The following PPARGC1A variants were observed in gnomAD, a reference collection of about 807,000 sequenced individuals.
PPARGC1A encodes peroxisome proliferator-activated receptor gamma coactivator 1-alpha.
In PPARGC1A, 25 loss-of-function variants were observed where a neutral mutation model predicts 88.7. The ratio of observed to expected loss-of-function variants is 0.28; its 90% CI spans 0.21 to 0.39. The LOEUF is 0.39. PPARGC1A is among the 10% of genes least tolerant of loss of function. The pLI is 1.00. For missense variants in PPARGC1A, 880 were observed against 968.7 expected, an observed-to-expected ratio of 0.91 and a Z score of 1.22; for synonymous variants, 363 against 355.6, an observed-to-expected ratio of 1.02 and a Z score of -0.24.
At chr4:24,027,562 G>A in the PPARGC1A span, among the ~76,000 whole-genome samples, 1 of 152,066 alleles carries the variant, frequency 6.6e-6, no homozygotes, top group Non-Finnish European at 1.5e-5. Context: ...AGTGTGGGAT[G>A]CAACCAGGTT....
chr4:24,325,050 G>A, the PPARGC1A span, among the ~76,000 whole-genome samples: 5 of 152,060 alleles, frequency 3.3e-5, no homozygotes, highest in Non-Finnish European at 5.9e-5. Flanking sequence ...TCTTAAAAAG[G>A]TGGCTGGAGC....
chr4:24,128,023 A>T, the PPARGC1A span, among the ~76,000 whole-genome samples: 1 of 152,150 alleles, frequency 6.6e-6, no homozygotes, highest in African/African-American at 2.4e-5. Context: ...CTCTCACCCA[A>T]GTCAATGCAT....
In PPARGC1A at chr4:23,884,811, T is replaced by C. The variant is rs750797347; in HGVS notation, c.175A>G (p.Ser59Gly). 1 of 1,613,998 alleles carries C rather than the reference T, an allele frequency of 6.2e-7. No individual in the cohort carries two copies. The highest frequency in any genetic ancestry group is 8.5e-7 in the Non-Finnish European group (1 of 1,179,912). The change falls in exon 2 of 13, where the codon AGT (serine) becomes GGT (glycine). Residue 59 changes from serine (S) to glycine (G), a missense_variant. Ser to Gly is a moderately conservative substitution (Grantham distance 56, BLOSUM62 0). Transcript: ENST00000264867. ...DSFLGGLKWCSDQSEIISNQY... is the reference protein window; with the variant it reads ...DSFLGGLKWCGDQSEIISNQY... The stretch of plus-strand genomic sequence containing the variant: ...TTGGATATTATTTCTGATTGGTCAC[T>C]GCACCACTTGAGTCCACCCAGAAAG...
In PPARGC1A at chr4:23,795,100, A is replaced by G. The variant is rs1438937084; in HGVS notation, c.*722T>C. The G allele has an allele frequency of 6.6e-6, 1 of 151,308 alleles. No individual in the cohort carries two copies. Among genetic ancestry groups the G allele is most frequent in the Non-Finnish European group, 1.5e-5 (1 of 67,816 alleles). 9.4% of individuals were successfully genotyped at this position (151,308 alleles called of 1,614,324 possible). On this transcript the variant is annotated 3_prime_UTR_variant, in exon 13 of 13. Coordinates refer to ENST00000264867, the MANE Select transcript of PPARGC1A (RefSeq NM_013261.5). ...GAGAGACAGGATATTAGTTCTATGG[A>G]ACCTGTGGTTTCTTCAGGATTGTCA...
the PPARGC1A span, among the ~76,000 whole-genome samples, chr4:24,291,205 G>C: frequency 6.6e-6 from 1 of 152,006 alleles, no homozygotes; most frequent in Non-Finnish European, 1.5e-5. Flanking sequence ...AGTCTCCTTT[G>C]CCTTTTAAAA....
chr4:24,424,425 G>A, the PPARGC1A span, among the ~76,000 whole-genome samples: 2 of 151,692 alleles, frequency 1.3e-5, no homozygotes, highest in Non-Finnish European at 1.5e-5. Flanking sequence ...ACAGGCGCCC[G>A]CCACCATGCC....
At chr4:24,093,618 G>C in the PPARGC1A span, among the ~76,000 whole-genome samples, 3 of 152,162 alleles carry the variant, frequency 2.0e-5, no homozygotes, top group Admixed American at 6.5e-5. Context: ...CCAGTCATAT[G>C]GTTCTTACCC....
the PPARGC1A span, among the ~76,000 whole-genome samples, chr4:24,199,135 T>A: frequency 6.6e-6 from 1 of 152,096 alleles, no homozygotes; most frequent in Non-Finnish European, 1.5e-5. Flanking sequence ...TCCCACCCCA[T>A]ACACGTAAGC....
At chr4:23,884,477 C>T (rs1716518022) in intron 2 of PPARGC1A, 2 of 397,368 alleles carry the variant, frequency 5.0e-6, no homozygotes, top group Admixed American at 8.7e-5. Flanking sequence ...ACTAATCTTT[C>T]ACAACCCTTT....
the PPARGC1A span, among the ~76,000 whole-genome samples, chr4:24,311,086 CTTTTTTTTTTT>C: frequency 1.5e-4 from 9 of 59,922 alleles, no homozygotes; most frequent in East Asian, 3.0e-3. Context: ...TATAATAATT[CTTTTTTTTTTT>C]TTTTTTTTTT....
the PPARGC1A span, among the ~76,000 whole-genome samples, chr4:24,092,424 C>T: frequency 6.6e-6 from 1 of 152,140 alleles, no homozygotes; most frequent in Non-Finnish European, 1.5e-5. Context: ...TTGGTCTAAA[C>T]TAGGACCCAA....
chr4:23,856,834 G>T (rs1259304043), intron 2 of PPARGC1A, among the ~76,000 whole-genome samples: 1 of 151,626 alleles, frequency 6.6e-6, no homozygotes, highest in Non-Finnish European at 1.5e-5. Context: ...ACAGAGCCCA[G>T]GGGCAGGCTG....
the PPARGC1A span, among the ~76,000 whole-genome samples, chr4:24,405,327 A>G: frequency 6.6e-6 from 1 of 152,158 alleles, no homozygotes; most frequent in Non-Finnish European, 1.5e-5. Flanking sequence ...CCTCCCCCCA[A>G]AAAGTTTTTC....
At chr4:23,833,900 C>T (rs1474649874) in intron 2 of PPARGC1A, among the ~76,000 whole-genome samples, 7 of 152,324 alleles carry the variant, frequency 4.6e-5, no homozygotes, top group African/African-American at 1.4e-4. Flanking sequence ...CACGGTGGCT[C>T]ATGCCTGTAA....
chr4:24,005,168 T>C, the PPARGC1A span, among the ~76,000 whole-genome samples: 1,924 of 152,226 alleles, frequency 0.013, 19 homozygotes, highest in South Asian at 0.025. Flanking sequence ...TCGAAGCTAG[T>C]GGCTTAAAGA....
At chr4:23,856,389 C>T (rs1337511275) in intron 2 of PPARGC1A, among the ~76,000 whole-genome samples, 2 of 152,148 alleles carry the variant, frequency 1.3e-5, no homozygotes, top group East Asian at 3.9e-4. Flanking sequence ...TACAAAATGC[C>T]TTTGTTCGTT....
chr4:24,216,095 G>C, the PPARGC1A span, among the ~76,000 whole-genome samples: 71 of 148,186 alleles, frequency 4.8e-4, no homozygotes, highest in Non-Finnish European at 9.5e-4. Flanking sequence ...CCTCCCCACT[G>C]TCTGGAACAA....
the PPARGC1A span, among the ~76,000 whole-genome samples, chr4:24,022,414 C>T: frequency 0.037 from 5,608 of 152,206 alleles, 316 homozygotes; most frequent in African/African-American, 0.13. Context: ...ATATCGGTTA[C>T]TTACTGTGCC....
At chr4:23,934,519 C>A in the PPARGC1A span, among the ~76,000 whole-genome samples, 2 of 152,132 alleles carry the variant, frequency 1.3e-5, no homozygotes, top group East Asian at 3.9e-4. Context: ...TTACTTGGAA[C>A]AATTGGGATT....
Sources: allele counts gnomAD v4.1 joint callset (sites outside exome capture counted in the v4.1 genomes callset), GRCh38; gene constraint gnomAD v4.1.1; transcripts MANE v1.5; gene names NCBI Gene and HGNC (gene_info 2026-07-23, HGNC 2026-07-21).